ASTN2: variants seen among roughly 807,000 people sequenced by gnomAD.
The protein encoded by ASTN2 is astrotactin-2.
A neutral mutation model predicts 139.8 loss-of-function variants in ASTN2; 54 were observed. That is an observed-to-expected ratio of 0.39 (90% CI 0.31 to 0.48). The LOEUF is 0.48. Ranked by LOEUF, ASTN2 falls within the 20% of genes least tolerant of loss-of-function variation. The pLI is 0.95. For missense variants in ASTN2, 1,565 were observed against 1,725.1 expected (o/e 0.91, Z 1.64); for synonymous variants, 756 against 719.5 (o/e 1.05, Z -0.81).
rs568891995 is a variant in ASTN2 at position 116,993,374 on chromosome 9, C to A, written c.1591+14718G>T. Among the ~76,000 whole-genome samples, 9 of 152,162 alleles carry A rather than the reference C, an allele frequency of 5.9e-5. No homozygotes were observed. In the South Asian group the frequency reaches 1.9e-3, roughly 32 times the overall value. On this transcript the variant is annotated intron_variant, in intron 7 of 22. Transcript: ENST00000313400. ...CACAAGGCATGCTTTGCTCCCACAC[C>A]TTTTCGGTTGTGCCTGTCTTGAACA... is the stretch of plus-strand genomic sequence containing the variant.
chr9:116,839,881 A>ATTATTTT (rs55634992), intron 11 of ASTN2, among the ~76,000 whole-genome samples: 30 of 127,968 alleles, frequency 2.3e-4, no homozygotes, highest in Middle Eastern at 4.1e-3. Flanking sequence ...TATTATTATT[A>ATTATTTT]TTTTTTTTTT....
At chr9:117,318,653 A>C (rs367629301) in intron 1 of ASTN2, among the ~76,000 whole-genome samples, 9 of 152,268 alleles carry the variant, frequency 5.9e-5, no homozygotes, top group African/African-American at 2.2e-4. Context: ...TCAAGGTACA[A>C]ATGAGCTGAC....
chr9:116,818,409 T>C (rs1831395182), intron 12 of ASTN2, among the ~76,000 whole-genome samples: 2 of 152,242 alleles, frequency 1.3e-5, no homozygotes, highest in South Asian at 2.1e-4. Flanking sequence ...TTCTAACAAG[T>C]GTGGTAACTT....
intron 10 of ASTN2, among the ~76,000 whole-genome samples, chr9:116,924,921 C>G (rs1052447861): frequency 1.5e-4 from 23 of 152,058 alleles, no homozygotes; most frequent in Non-Finnish European, 1.0e-4. Context: ...TTGCCCAGCC[C>G]CGACTCAAGA....
At chr9:116,617,313 A>T (rs1855905940) in intron 19 of ASTN2, among the ~76,000 whole-genome samples, 2 of 152,226 alleles carry the variant, frequency 1.3e-5, no homozygotes, top group Non-Finnish European at 1.5e-5. Flanking sequence ...AAGAAAAGGG[A>T]ACAATAAAGG....
intron 19 of ASTN2, among the ~76,000 whole-genome samples, chr9:116,501,362 T>A (rs1849847578): frequency 6.6e-6 from 1 of 152,210 alleles, no homozygotes; most frequent in African/African-American, 2.4e-5. Context: ...ATCCAGTCTA[T>A]CATTGTTGGA....
chr9:116,445,911 T>C (rs1226995625), intron 20 of ASTN2, among the ~76,000 whole-genome samples: 1 of 150,376 alleles, frequency 6.6e-6, no homozygotes, highest in Non-Finnish European at 1.5e-5. Flanking sequence ...TGCTGGGGGG[T>C]GGAGAAAGAG....
At chr9:117,199,954 A>C (rs1449987543) in intron 3 of ASTN2, among the ~76,000 whole-genome samples, 2 of 151,994 alleles carry the variant, frequency 1.3e-5, no homozygotes, top group Non-Finnish European at 2.9e-5. Context: ...CTATTCATGT[A>C]AAGGAATGCT....
intron 3 of ASTN2, among the ~76,000 whole-genome samples, chr9:117,147,039 GTTCA>G (rs1830214052): frequency 6.6e-6 from 1 of 152,008 alleles, no homozygotes; most frequent in South Asian, 2.1e-4. Context: ...ATTATTATGT[GTTCA>G]TTAATATTAT....
chr9:117,225,422 A>G (rs1832672112), intron 2 of ASTN2, among the ~76,000 whole-genome samples: 4 of 151,020 alleles, frequency 2.6e-5, no homozygotes, highest in Non-Finnish European at 4.4e-5. Flanking sequence ...AGTCATGAAA[A>G]TATACAGATG....
At chr9:117,042,414 T>C (rs1417750638) in intron 5 of ASTN2, among the ~76,000 whole-genome samples, 1 of 150,668 alleles carries the variant, frequency 6.6e-6, no homozygotes, top group Non-Finnish European at 1.5e-5. Flanking sequence ...TTCTCAGTCC[T>C]AGGACAATGC....
chr9:116,733,453 C>T lies in ASTN2; in HGVS notation c.2467G>A (p.Glu823Lys), dbSNP rs752923868. The T allele has an allele frequency of 6.2e-7, 1 of 1,614,124 alleles. No homozygotes were observed. The highest frequency in any genetic ancestry group is 8.5e-7 in the Non-Finnish European group (1 of 1,180,024). ...TCGGAGAGGACCCCCCGGCACTGCT[C>T]CTCCACCGGCAGCGGGATCACCAAC... Reference protein sequence around the residue: ...GLLVIPLPVEEQCRGVLSEPL... With the variant: ...GLLVIPLPVEKQCRGVLSEPL... The change falls in exon 14 of 23, where the codon GAG becomes AAG. Residue 823 changes from glutamate (E) to lysine (K), a missense_variant. Physicochemically the swap from Glu to Lys is moderately conservative, Grantham distance 56. Transcript: ENST00000313400.
intron 1 of ASTN2, among the ~76,000 whole-genome samples, chr9:117,377,986 G>A (rs1376280194): frequency 6.6e-6 from 1 of 152,170 alleles, no homozygotes; most frequent in African/African-American, 2.4e-5. Context: ...TAGTCTCTGG[G>A]TAGGAAAGTG....
At chr9:116,865,602 C>A (rs192219661) in intron 10 of ASTN2, among the ~76,000 whole-genome samples, 1 of 152,150 alleles carries the variant, frequency 6.6e-6, no homozygotes. Context: ...CAGGCCTTTG[C>A]ATCCCCACAG....
chr9:117,280,109 C>T (rs1182876626), intron 2 of ASTN2, among the ~76,000 whole-genome samples: 2 of 152,146 alleles, frequency 1.3e-5, no homozygotes, highest in African/African-American at 4.8e-5. Flanking sequence ...ACACTTTTGA[C>T]CATTGCTTGT....
chr9:116,720,061 A>G (rs1828429722), intron 16 of ASTN2, among the ~76,000 whole-genome samples: 1 of 152,162 alleles, frequency 6.6e-6, no homozygotes, highest in Non-Finnish European at 1.5e-5. Context: ...TCCAGCTCTC[A>G]TCAGCCCCTT....
intron 1 of ASTN2, among the ~76,000 whole-genome samples, chr9:117,314,635 T>C (rs12552309): frequency 0.3 from 44,477 of 145,904 alleles, 7,624 homozygotes; most frequent in East Asian, 0.44. Flanking sequence ...AATATATAAT[T>C]ATAATTATTA....
At chr9:117,187,881 A>G (rs1173949170) in intron 3 of ASTN2, among the ~76,000 whole-genome samples, 3 of 152,230 alleles carry the variant, frequency 2.0e-5, no homozygotes, top group African/African-American at 7.2e-5. Context: ...TACAGTTACA[A>G]AAAGCATTCA....
At chr9:116,848,309 C>T (rs1472589881) in intron 11 of ASTN2, among the ~76,000 whole-genome samples, 4 of 152,030 alleles carry the variant, frequency 2.6e-5, no homozygotes, top group Non-Finnish European at 5.9e-5. Context: ...AGCACAGAGC[C>T]GAGGGAATTT....
Sources: allele counts gnomAD v4.1 joint callset (sites outside exome capture counted in the v4.1 genomes callset), GRCh38; gene constraint gnomAD v4.1.1; transcripts MANE v1.5; gene names NCBI Gene and HGNC (gene_info 2026-07-23, HGNC 2026-07-21).